LRP12: variants seen among roughly 807,000 people sequenced by gnomAD.
The protein encoded by LRP12 is low-density lipoprotein receptor-related protein 12.
LRP12 carries 14 observed loss-of-function variants against 66.0 expected under a neutral mutation model. The ratio of observed to expected loss-of-function variants is 0.21; its 90% CI spans 0.14 to 0.33. LRP12 has a LOEUF of 0.33. Ranked by LOEUF, LRP12 falls within the 10% of genes least tolerant of loss-of-function variation. The pLI, the probability that LRP12 is intolerant of heterozygous loss-of-function variation, is 1.00. For synonymous variants in LRP12, 357 were observed against 359.1 expected, an observed-to-expected ratio of 0.99 and a Z score of 0.07; for missense variants, 889 against 1,053.4, an observed-to-expected ratio of 0.84 and a Z score of 2.16.
chr8:104,539,160 A>G (rs1811429230), intron 1 of LRP12, among the ~76,000 whole-genome samples: 1 of 152,218 alleles, frequency 6.6e-6, no homozygotes, highest in Non-Finnish European at 1.5e-5. Flanking sequence ...AACACTTAGG[A>G]CATTAATGAG....
intron 1 of LRP12, among the ~76,000 whole-genome samples, chr8:104,542,801 C>CAAGAA (rs1564140065): frequency 1.3e-5 from 2 of 151,892 alleles, no homozygotes; most frequent in Non-Finnish European, 2.9e-5. Context: ...TTAAGAAAAT[C>CAAGAA]ACAAGGAATA....
intron 2 of LRP12, among the ~76,000 whole-genome samples, chr8:104,512,810 C>T (rs1371725946): frequency 3.3e-5 from 5 of 152,030 alleles, no homozygotes; most frequent in Admixed American, 1.3e-4. Flanking sequence ...TTTCATGCAA[C>T]GGCCCAGGGA....
chr8:104,549,050 A>T (rs1264316934), intron 1 of LRP12, among the ~76,000 whole-genome samples: 1 of 152,174 alleles, frequency 6.6e-6, no homozygotes, highest in African/African-American at 2.4e-5. Context: ...GTCATTCATT[A>T]GCCCATCTCT....
At chr8:104,518,927 T>C (rs1397543638) in intron 2 of LRP12, among the ~76,000 whole-genome samples, 1 of 152,030 alleles carries the variant, frequency 6.6e-6, no homozygotes, top group Non-Finnish European at 1.5e-5. Context: ...CTGGAAAGCA[T>C]GCATGTTCAG....
intron 1 of LRP12, among the ~76,000 whole-genome samples, chr8:104,577,729 T>C (rs1401256075): frequency 6.8e-6 from 1 of 147,044 alleles, no homozygotes; most frequent in African/African-American, 2.5e-5. Flanking sequence ...GGGAATGGCA[T>C]GAACCAGGGA....
chr8:104,545,139 C>T (rs746175880), intron 1 of LRP12, among the ~76,000 whole-genome samples: 2 of 152,076 alleles, frequency 1.3e-5, no homozygotes, highest in Non-Finnish European at 2.9e-5. Context: ...AAACTGCAGA[C>T]GTGGTGGAAA....
chr8:104,553,601 G>A (rs1272584010), intron 1 of LRP12, among the ~76,000 whole-genome samples: 1 of 152,150 alleles, frequency 6.6e-6, no homozygotes, highest in Admixed American at 6.5e-5. Context: ...TGCCCAAGGA[G>A]AGTTTGAGCT....
chr8:104,535,383 G>A (rs1811380039), intron 1 of LRP12, among the ~76,000 whole-genome samples: 1 of 151,920 alleles, frequency 6.6e-6, no homozygotes, highest in Non-Finnish European at 1.5e-5. Flanking sequence ...ATATAGTCAT[G>A]AACTTCAAAT....
At chr8:104,529,851 T>G (rs932819509) in intron 2 of LRP12, among the ~76,000 whole-genome samples, 4 of 152,230 alleles carry the variant, frequency 2.6e-5, no homozygotes, top group Non-Finnish European at 2.9e-5. Flanking sequence ...TTTGGTGTAG[T>G]ATCATAGAAT....
intron 1 of LRP12, among the ~76,000 whole-genome samples, chr8:104,555,292 T>C (rs1040894086): frequency 1.3e-4 from 20 of 152,090 alleles, no homozygotes; most frequent in African/African-American, 4.6e-4. Flanking sequence ...ACAAATAGCA[T>C]GATGAAAAGA....
chr8:104,547,598 ATAAT>A (rs1163320249), intron 1 of LRP12, among the ~76,000 whole-genome samples: 1 of 121,048 alleles, frequency 8.3e-6, no homozygotes, highest in Non-Finnish European at 1.6e-5. Context: ...ATAATATATA[ATAAT>A]TATTAATATA....
intron 1 of LRP12, among the ~76,000 whole-genome samples, chr8:104,553,917 C>T (rs765477359): frequency 6.6e-6 from 1 of 152,180 alleles, no homozygotes; most frequent in Admixed American, 6.5e-5. Context: ...ATGCTGGTAT[C>T]CATAGCTGAG....
At chr8:104,568,705 T>C (rs1812039178) in intron 1 of LRP12, among the ~76,000 whole-genome samples, 1 of 151,964 alleles carries the variant, frequency 6.6e-6, no homozygotes, top group Non-Finnish European at 1.5e-5. Flanking sequence ...ATTAGGGAGA[T>C]GAAAATCAAA....
At chr8:104,518,592 A>G (rs1192334304) in intron 2 of LRP12, among the ~76,000 whole-genome samples, 1 of 152,142 alleles carries the variant, frequency 6.6e-6, no homozygotes, top group African/African-American at 2.4e-5. Context: ...AGGGTAGATA[A>G]TCTATAATAA....
chr8:104,527,795 C>T (rs1232621353), intron 2 of LRP12, among the ~76,000 whole-genome samples: 1 of 151,752 alleles, frequency 6.6e-6, no homozygotes, highest in African/African-American at 2.4e-5. Context: ...AACTAACCTG[C>T]ACATTGTGCA....
chr8:104,509,814 C>T (rs1463100238), intron 2 of LRP12, among the ~76,000 whole-genome samples: 1 of 152,152 alleles, frequency 6.6e-6, no homozygotes, highest in African/African-American at 2.4e-5. Context: ...TGTGATACCT[C>T]AAACTGCAAA....
intron 1 of LRP12, among the ~76,000 whole-genome samples, chr8:104,547,065 T>C (rs973564172): frequency 2.8e-5 from 4 of 144,730 alleles, no homozygotes; most frequent in East Asian, 2.0e-4. Context: ...TATCATACTT[T>C]GTATACAATA....
Position 104,490,540 on chromosome 8 carries a change from G to T in LRP12, c.*133C>A. 9.7e-7 allele frequency: 1 copy of T among 1,031,262 alleles called. No homozygotes were observed. The highest frequency in any genetic ancestry group is 1.4e-6 in the Non-Finnish European group (1 of 716,388). The allele number at this position is 1,031,262 out of a possible 1,614,324, so 63.9% of individuals were successfully genotyped here. A position where few individuals can be genotyped will look rare whatever the true frequency, so the allele number is the denominator to read the frequency against. On this transcript the variant is annotated 3_prime_UTR_variant, in exon 7 of 7. Transcript: ENST00000276654. ...ACAAGTTGTCGAATTTAACCATGCA[G>T]GCTAACATATAATAATAAGAAATCA...
chr8:104,514,498 G>C (rs1358339590), intron 2 of LRP12, among the ~76,000 whole-genome samples: 2 of 150,214 alleles, frequency 1.3e-5, no homozygotes, highest in Admixed American at 1.3e-4. Flanking sequence ...AATGAGATCA[G>C]GAGTTCAAGA....
Sources: allele counts gnomAD v4.1 joint callset (sites outside exome capture counted in the v4.1 genomes callset), GRCh38; gene constraint gnomAD v4.1.1; transcripts MANE v1.5; gene names NCBI Gene and HGNC (gene_info 2026-07-23, HGNC 2026-07-21).